Variants in DYM observed in about 807,000 individuals in gnomAD.
The protein encoded by DYM is dymeclin.
A neutral mutation model predicts 93.1 loss-of-function variants in DYM; 78 were observed. The observed-to-expected ratio is 0.84, with a 90% CI of 0.70 to 1.01. DYM has a LOEUF of 1.01. DYM is among the 50% of genes least tolerant of loss of function. The pLI, the probability that DYM is intolerant of heterozygous loss-of-function variation, is 0.00. For synonymous variants in DYM, 321 were observed against 319.7 expected (o/e 1.00, Z -0.04); for missense variants, 789 against 845.0 (o/e 0.93, Z 0.82).
At chr18:49,208,629 T>C (rs1293801199) in intron 14 of DYM, 2 of 152,228 alleles carry the variant, frequency 1.3e-5, no homozygotes, top group Non-Finnish European at 2.9e-5. Flanking sequence ...ATGTATAGTC[T>C]CAAGTTTTAT....
chr18:49,447,741 G>A (rs2082211161), intron 1 of DYM, among the ~76,000 whole-genome samples: 1 of 152,118 alleles, frequency 6.6e-6, no homozygotes, highest in Non-Finnish European at 1.5e-5. Flanking sequence ...GTTCGCAACC[G>A]TCATATCTCT....
intron 16 of DYM, among the ~76,000 whole-genome samples, chr18:49,100,441 T>C (rs1275693652): frequency 2.0e-5 from 3 of 152,058 alleles, no homozygotes; most frequent in Admixed American, 6.6e-5. Flanking sequence ...TTGTTGACTC[T>C]GCGGCCTATA....
intron 13 of DYM, among the ~76,000 whole-genome samples, chr18:49,221,460 T>C (rs1173576540): frequency 6.6e-6 from 1 of 152,118 alleles, no homozygotes; most frequent in African/African-American, 2.4e-5. Flanking sequence ...TGCACACGTA[T>C]GTTTATTGCA....
intron 6 of DYM, among the ~76,000 whole-genome samples, chr18:49,334,957 A>T (rs2063556083): frequency 6.6e-6 from 1 of 152,148 alleles, no homozygotes; most frequent in Non-Finnish European, 1.5e-5. Context: ...AATACAAAAA[A>T]TTAGCTGGGC....
intron 14 of DYM, among the ~76,000 whole-genome samples, chr18:49,186,567 T>C (rs956400195): frequency 2.0e-5 from 3 of 152,192 alleles, no homozygotes; most frequent in African/African-American, 7.2e-5. Flanking sequence ...TCAGTAAGCC[T>C]ACCTAAGATC....
chr18:49,063,011 C>A (rs944132938), intron 17 of DYM, among the ~76,000 whole-genome samples: 1 of 152,212 alleles, frequency 6.6e-6, no homozygotes, highest in African/African-American at 2.4e-5. Context: ...TTGCCATGAT[C>A]GGTTTTTAGC....
rs182769165 is a variant in DYM, at chr18:49,301,039, A to T, written c.764-14423T>A. On this transcript the variant is annotated intron_variant, in intron 8 of 17. Coordinates refer to ENST00000675505, the MANE Select transcript of DYM (RefSeq NM_001353214.3). ...TCATCAACCTAAGGAGAGGAATAAG[A>T]TGGGAGTTCTGGAAGCACTGGAAAA... 2.8e-3 allele frequency among the ~76,000 whole-genome samples: 433 copies of T among 152,318 alleles called. 10 individuals carry two copies. Among genetic ancestry groups the T allele is most frequent in the Admixed American group, 0.023 (353 of 15,300 alleles).
At position 49,376,342 on chromosome 18, in the gene DYM, A is replaced by G. The variant is rs563833082; in HGVS notation, c.421+2225T>C. On this transcript the variant is annotated intron_variant, in intron 5 of 17. Transcript: ENST00000675505. ...AATTCAGTATGCTCTCAAGGATGAAACTTGAATTTAAATACACTCAACCAT... is the reference window on the plus strand; with the variant it reads ...AATTCAGTATGCTCTCAAGGATGAAGCTTGAATTTAAATACACTCAACCAT... Among the ~76,000 whole-genome samples, 5 of 152,328 alleles carry G rather than the reference A, an allele frequency of 3.3e-5. No homozygotes were observed. In the South Asian group the frequency reaches 1.0e-3, roughly 32 times the overall value.
rs555009999 is a variant in DYM, at chr18:49,404,038, C to T, written c.141-12393G>A. Among the ~76,000 whole-genome samples, 6 of 151,670 alleles carry T rather than the reference C, an allele frequency of 4.0e-5. No homozygotes were observed. In the South Asian group the frequency reaches 8.3e-4, roughly 21 times the overall value. On this transcript the variant is annotated intron_variant, in intron 2 of 17. Coordinates refer to ENST00000675505, the MANE Select transcript of DYM (RefSeq NM_001353214.3). Reference sequence around the variant, plus strand: ...GTTTGTTTGTTTTGAGATGGAGTCTCTTTCTGTCACCCAGGCTGGAGTGCA... The same window carrying T: ...GTTTGTTTGTTTTGAGATGGAGTCTTTTTCTGTCACCCAGGCTGGAGTGCA...
intron 8 of DYM, among the ~76,000 whole-genome samples, chr18:49,308,931 G>A (rs2061427740): frequency 6.6e-6 from 1 of 152,108 alleles, no homozygotes; most frequent in East Asian, 1.9e-4. Context: ...TAGGCTGAAG[G>A]CTAAATAAAC....
At chr18:49,251,326 T>C (rs990431437) in intron 13 of DYM, among the ~76,000 whole-genome samples, 4 of 152,052 alleles carry the variant, frequency 2.6e-5, no homozygotes, top group South Asian at 2.1e-4. Flanking sequence ...ACAGCAGCCA[T>C]GGAGAAAGAG....
intron 8 of DYM, among the ~76,000 whole-genome samples, chr18:49,289,761 A>ATACG (rs2059963501): frequency 1.2e-4 from 7 of 57,394 alleles, no homozygotes; most frequent in African/African-American, 5.3e-4. Flanking sequence ...ATATATATAT[A>ATACG]TATATATATA....
At chr18:49,075,743 CAGTTT>C (rs776376310) in intron 17 of DYM, among the ~76,000 whole-genome samples, 40 of 152,250 alleles carry the variant, frequency 2.6e-4, no homozygotes, top group Non-Finnish European at 5.0e-4. Context: ...CAAGGAATGG[CAGTTT>C]AACTTTTGAG....
intron 4 of DYM, 62 bp from the exon 5 acceptor site, chr18:49,378,762 A>C: frequency 6.4e-7 from 1 of 1,566,614 alleles, no homozygotes; most frequent in Non-Finnish European, 8.8e-7. Flanking sequence ...GTTTATTTCT[A>C]GTTCATGATT....
At chr18:49,323,977 A>G (rs992645656) in intron 8 of DYM, among the ~76,000 whole-genome samples, 8 of 152,056 alleles carry the variant, frequency 5.3e-5, no homozygotes, top group African/African-American at 1.9e-4. Context: ...GTCTCAAGTA[A>G]AAACATAAAA....
intron 3 of DYM, chr18:49,390,640 G>C (rs1442767772): frequency 6.6e-6 from 1 of 151,958 alleles, no homozygotes; most frequent in Non-Finnish European, 1.5e-5. Flanking sequence ...CCAAGTAGCT[G>C]GGATTACAGG....
chr18:49,396,122 C>T (rs2070041980), intron 2 of DYM, among the ~76,000 whole-genome samples: 1 of 152,184 alleles, frequency 6.6e-6, no homozygotes, highest in African/African-American at 2.4e-5. Context: ...CTGAGGCCCT[C>T]ATCAGATGCA....
At chr18:49,256,028 G>A (rs2094387240) in intron 13 of DYM, among the ~76,000 whole-genome samples, 2 of 147,810 alleles carry the variant, frequency 1.4e-5, no homozygotes, top group South Asian at 4.3e-4. Flanking sequence ...AGCTTGCAGT[G>A]AGCTGAGATC....
chr18:49,278,433 T>C (rs1384899491), intron 10 of DYM, among the ~76,000 whole-genome samples: 1 of 152,108 alleles, frequency 6.6e-6, no homozygotes, highest in Non-Finnish European at 1.5e-5. Flanking sequence ...TAACTCACAA[T>C]GCCCTGATTA....
Sources: gnomAD v4.1 joint callset for allele counts (sites outside exome capture counted in the v4.1 genomes callset) on GRCh38, gnomAD v4.1.1 for gene constraint, MANE v1.5 for transcripts, NCBI Gene and HGNC (gene_info 2026-07-23, HGNC 2026-07-21) for gene names.